The following PRKACA variants were observed in gnomAD, a reference collection of about 807,000 sequenced individuals.
PRKACA encodes protein kinase cAMP-activated catalytic subunit alpha.
Under a neutral mutation model 45.8 loss-of-function variants are expected in PRKACA, and 9 were observed. That is an observed-to-expected ratio of 0.20 (90% CI 0.12 to 0.34). The LOEUF is 0.34. PRKACA is among the 10% of genes least tolerant of loss of function. The probability of loss-of-function intolerance (pLI) is 1.00; values close to 1 mark genes in which losing one functional copy is unlikely to be tolerated. For missense variants in PRKACA, 238 were observed against 458.6 expected (o/e 0.52, Z 4.39); for synonymous variants, 160 against 178.6 (o/e 0.90, Z 0.83).
chr19:14,105,924 C>A (rs1313392992), intron 3 of PRKACA, among the ~76,000 whole-genome samples: 1 of 152,188 alleles, frequency 6.6e-6, no homozygotes, highest in African/African-American at 2.4e-5. Flanking sequence ...TTGTTCTCCT[C>A]CTGTTGGGCT....
intron 5 of PRKACA, among the ~76,000 whole-genome samples, chr19:14,100,548 T>C (rs1221397327): frequency 6.6e-6 from 1 of 152,234 alleles, no homozygotes; most frequent in Non-Finnish European, 1.5e-5. Flanking sequence ...TCTGCCCACC[T>C]TGGCCTCCCA....
chr19:14,103,157 G>A (rs1235939211), intron 3 of PRKACA, among the ~76,000 whole-genome samples: 1 of 152,200 alleles, frequency 6.6e-6, no homozygotes, highest in Admixed American at 6.5e-5. Flanking sequence ...CCCCCACAGA[G>A]GTCAGAGCCG....
At chr19:14,116,926 G>A (rs1568540728) in intron 1 of PRKACA, among the ~76,000 whole-genome samples, 4 of 150,980 alleles carry the variant, frequency 2.6e-5, no homozygotes, top group African/African-American at 7.3e-5. Context: ...GCTGGAGGTG[G>A]CTCTGGGAAA....
chr19:14,105,173 TA>T (rs1977566411), intron 3 of PRKACA, among the ~76,000 whole-genome samples: 1 of 152,164 alleles, frequency 6.6e-6, no homozygotes, highest in South Asian at 2.1e-4. Flanking sequence ...TTCACATTGA[TA>T]ATATATGGAA....
rs1248411797 is a variant in PRKACA, at chr19:14,093,224, A to C, written c.944T>G (p.Phe315Cys). 6.2e-7 allele frequency: 1 copy of C among 1,613,490 alleles called. No homozygotes were observed. Among genetic ancestry groups the C allele is most frequent in the Non-Finnish European group, 8.5e-7 (1 of 1,179,812 alleles). ...AIYQRKVEAP[F>C]IPKFKGPGDT... The stretch of plus-strand genomic sequence containing the variant: ...CCCAGGGCCTTTAAACTTTGGTATG[A>C]AGGGAGCTTCCACCTGGAGAGGGAT... The change falls in exon 10 of 10, where the codon TTC becomes TGC. Residue 315 changes from phenylalanine (F) to cysteine (C), a missense_variant. Phe to Cys is a radical substitution (Grantham distance 205, BLOSUM62 -2). Coordinates refer to ENST00000308677, the MANE Select transcript of PRKACA (RefSeq NM_002730.4).
chr19:14,101,445 G>A (rs1473785141), intron 4 of PRKACA, among the ~76,000 whole-genome samples: 1 of 152,160 alleles, frequency 6.6e-6, no homozygotes, highest in Non-Finnish European at 1.5e-5. Flanking sequence ...GCGTGCACCT[G>A]TAGTCTCATA....
rs142007512 is a variant in PRKACA, at chr19:14,097,769, T to C, written c.541A>G (p.Ile181Val). 1 of 1,614,180 alleles carries C rather than the reference T, an allele frequency of 6.2e-7. No individual in the cohort carries two copies. Among genetic ancestry groups the C allele is most frequent in the Non-Finnish European group, 8.5e-7 (1 of 1,180,018 alleles). The stretch of plus-strand genomic sequence containing the variant: ...TCGCCCGGCCTGGTGGGCACCTGAA[T>C]GTAGCCCTGCTGGTCAATGAGCAGA... Reference protein sequence around the residue: ...ENLLIDQQGYIQVTDFGFAKR... With the variant: ...ENLLIDQQGYVQVTDFGFAKR... The change falls in exon 6 of 10, where the codon ATT (isoleucine) becomes GTT (valine). Residue 181 changes from isoleucine (I) to valine (V), a missense_variant. By Grantham distance (29) the Ile-to-Val change is conservative (BLOSUM62 3). Around this residue, in one of 3 missense-constraint regions of PRKACA, gnomAD observed 94 missense variants for 240.9 expected, o/e 0.39. Coordinates refer to ENST00000308677, the MANE Select transcript of PRKACA (RefSeq NM_002730.4). This position sits in a 1 kb window ranked among gnomAD's most constrained non-coding sequence, Gnocchi z 5.4.
chr19:14,104,029 G>C (rs554713494), intron 3 of PRKACA, among the ~76,000 whole-genome samples: 1 of 151,462 alleles, frequency 6.6e-6, no homozygotes, highest in African/African-American at 2.4e-5. Context: ...AACAGAGCAA[G>C]ACCCTGTCTC....
intron 1 of PRKACA, 84 bp from the exon 2 acceptor site, chr19:14,107,493 G>A (rs1977648573): frequency 2.7e-6 from 4 of 1,488,344 alleles, no homozygotes; most frequent in Admixed American, 3.5e-5. Flanking sequence ...GATACTTGGT[G>A]GAAAGTGGGG....
rs753070167 is a variant in PRKACA at position 14,097,256 on chromosome 19, C to T, written c.765+105G>A. On this transcript the variant is annotated intron_variant, in intron 8 of 9. Coordinates refer to ENST00000308677, the MANE Select transcript of PRKACA (RefSeq NM_002730.4). This position sits in a 1 kb window ranked among gnomAD's most constrained non-coding sequence, Gnocchi z 5.4. ...TCACCACCTGGCCTGACTTAAGGAA[C>T]TTCTAGATTATTCTGACAACAAGCA... The T allele has an allele frequency of 1.3e-6, 2 of 1,569,712 alleles. No individual in the cohort carries two copies. The highest frequency in any genetic ancestry group is 1.1e-5 in the South Asian group (1 of 89,138).
chr19:14,110,503 T>C (rs1282406961), intron 1 of PRKACA, among the ~76,000 whole-genome samples: 2 of 151,412 alleles, frequency 1.3e-5, no homozygotes, highest in Admixed American at 1.3e-4. Flanking sequence ...GCCCGGGACA[T>C]AGAGCCTGCA....
intron 1 of PRKACA, among the ~76,000 whole-genome samples, chr19:14,116,349 G>A (rs1013205169): frequency 6.6e-6 from 1 of 152,118 alleles, no homozygotes; most frequent in Admixed American, 6.5e-5. Context: ...TGGGCAAGTG[G>A]GTGAAACAGG....
intron 1 of PRKACA, 152 bp from the exon 2 acceptor site, chr19:14,107,561 C>G (rs1031341625): frequency 3.3e-5 from 43 of 1,310,000 alleles, no homozygotes; most frequent in Middle Eastern, 2.8e-4. Context: ...TTGGCTGGGC[C>G]GTGGCCTGGG....
At position 14,097,509 on chromosome 19, in the gene PRKACA, G is replaced by A; in HGVS notation, c.643-26C>T. On this transcript the variant is annotated intron_variant, in intron 7 of 9. Coordinates refer to ENST00000308677, the MANE Select transcript of PRKACA (RefSeq NM_002730.4). This position sits in a 1 kb window ranked among gnomAD's most constrained non-coding sequence, Gnocchi z 5.4. ...CTGGAGCAAGATGGGGGGGCACAGG[G>A]TGAGGAGGAGGCGAGAGCAGGAGAG... 1 of 1,614,034 alleles carries A rather than the reference G, an allele frequency of 6.2e-7. No individual in the cohort carries two copies. The highest frequency in any genetic ancestry group is 8.5e-7 in the Non-Finnish European group (1 of 1,179,936).
intron 1 of PRKACA, among the ~76,000 whole-genome samples, chr19:14,109,632 A>C (rs111386595): frequency 6.7e-6 from 1 of 149,792 alleles, no homozygotes; most frequent in African/African-American, 2.5e-5. Flanking sequence ...AAAAAAAGAA[A>C]AAAGAAAAGA....
chr19:14,114,160 C>A, intron 1 of PRKACA: 3 of 1,611,340 alleles, frequency 1.9e-6, no homozygotes, highest in Non-Finnish European at 2.5e-6. Flanking sequence ...AGCCATCACT[C>A]AGTCCTGTTC....
Position 14,092,636 on chromosome 19 carries a change from G to A in PRKACA, c.*476C>T, listed in dbSNP as rs2145739870. On this transcript the variant is annotated 3_prime_UTR_variant, in exon 10 of 10. Coordinates refer to ENST00000308677, the MANE Select transcript of PRKACA (RefSeq NM_002730.4). Reference sequence around the variant, plus strand: ...GTCACTAAAAATCTCTCCTTCCCAGGCAGGATTACTCCGAAAGGAAGGTTG... The same window carrying A: ...GTCACTAAAAATCTCTCCTTCCCAGACAGGATTACTCCGAAAGGAAGGTTG... 1 of 398,430 alleles carries A rather than the reference G, an allele frequency of 2.5e-6. No homozygotes were observed. The highest frequency in any genetic ancestry group is 3.6e-5 in the East Asian group (1 of 28,044). 24.7% of individuals were successfully genotyped at this position (398,430 alleles called of 1,614,324 possible).
chr19:14,116,221 G>T (rs1473871751), intron 1 of PRKACA, among the ~76,000 whole-genome samples: 1 of 152,144 alleles, frequency 6.6e-6, no homozygotes, highest in Non-Finnish European at 1.5e-5. Flanking sequence ...TTTCAGACTG[G>T]AGTGACAACA....
At position 14,093,061 on chromosome 19, in the gene PRKACA, C is replaced by CCCCCCCA; in HGVS notation, c.*50_*51insTGGGGGG. ...AATCCAACCCTCCCACCCCCCCGAC[C>CCCCCCCA]AAAAAAAAGAAAAAAGAAAAAAGAA... On this transcript the variant is annotated 3_prime_UTR_variant, in exon 10 of 10. Transcript: ENST00000308677. The CCCCCCCA allele has an allele frequency of 1.5e-6, 2 of 1,351,146 alleles. No individual in the cohort carries two copies. The highest frequency in any genetic ancestry group is 1.9e-6 in the Non-Finnish European group (2 of 1,034,756). 83.7% of individuals were successfully genotyped at this position (1,351,146 alleles called of 1,614,324 possible).
Sources: allele counts gnomAD v4.1 joint callset (sites outside exome capture counted in the v4.1 genomes callset), GRCh38; gene constraint gnomAD v4.1.1; regional missense constraint gnomAD v4.1.1; non-coding constraint Gnocchi (gnomAD v3.1); transcripts MANE v1.5; gene names NCBI Gene and HGNC (gene_info 2026-07-23, HGNC 2026-07-21).